CCSER1: variants seen among roughly 807,000 people sequenced by gnomAD.
The protein encoded by CCSER1 is serine-rich coiled-coil domain-containing protein 1.
CCSER1 carries 41 observed loss-of-function variants against 82.0 expected under a neutral mutation model. That is an observed-to-expected ratio of 0.50 (90% CI 0.39 to 0.65). CCSER1 has a LOEUF of 0.65. Ranked by LOEUF, CCSER1 falls within the 30% of genes least tolerant of loss-of-function variation. CCSER1 has a pLI of 0.00. For synonymous variants in CCSER1, 414 were observed against 383.9 expected, an observed-to-expected ratio of 1.08 and a Z score of -0.92; for missense variants, 1,119 against 1,064.2, an observed-to-expected ratio of 1.05 and a Z score of -0.72.
In CCSER1 at chr4:91,008,804, G is replaced by T. The variant is rs1738743209; in HGVS notation, c.2173-77146G>T. Among the ~76,000 whole-genome samples the T allele has an allele frequency of 2.0e-5, 3 of 152,340 alleles. No individual in the cohort carries two copies. In the South Asian group the frequency reaches 6.2e-4, roughly 32 times the overall value. On this transcript the variant is annotated intron_variant, in intron 9 of 10. Coordinates refer to ENST00000509176, the MANE Select transcript of CCSER1 (RefSeq NM_001145065.2). ...CAGGCTGATTCCAAAATGGCAGCAG[G>T]CTGCTTCCAAGATGGTGGCAAGCCT...
chr4:90,444,908 T>C (rs1478009818), intron 4 of CCSER1, among the ~76,000 whole-genome samples: 1 of 152,034 alleles, frequency 6.6e-6, no homozygotes, highest in Non-Finnish European at 1.5e-5. Flanking sequence ...TAATTTACAG[T>C]GAACGCATGA....
At chr4:90,263,295 G>T (rs946805803) in intron 1 of CCSER1, among the ~76,000 whole-genome samples, 3 of 152,168 alleles carry the variant, frequency 2.0e-5, no homozygotes, top group East Asian at 3.9e-4. Flanking sequence ...GCCACCCAGT[G>T]GGGCTGCCAC....
At chr4:90,809,369 A>G (rs533775634) in intron 7 of CCSER1, among the ~76,000 whole-genome samples, 1 of 152,054 alleles carries the variant, frequency 6.6e-6, no homozygotes, top group East Asian at 1.9e-4. Flanking sequence ...ACTGTGGAAT[A>G]CTATTTAGCC....
At chr4:90,768,640 G>T (rs1751621516) in intron 7 of CCSER1, among the ~76,000 whole-genome samples, 1 of 152,168 alleles carries the variant, frequency 6.6e-6, no homozygotes, top group Non-Finnish European at 1.5e-5. Flanking sequence ...TGTAGGTTAG[G>T]ACTTTCAGAA....
intron 9 of CCSER1, among the ~76,000 whole-genome samples, chr4:90,972,129 T>G (rs1485718605): frequency 6.6e-6 from 1 of 151,690 alleles, no homozygotes; most frequent in African/African-American, 2.4e-5. Flanking sequence ...ATGCTGTATG[T>G]CCTATCCAGA....
chr4:90,170,086 G>T (rs1339429471), intron 1 of CCSER1, among the ~76,000 whole-genome samples: 1 of 151,812 alleles, frequency 6.6e-6, no homozygotes, highest in South Asian at 2.1e-4. Context: ...GTTTCCAAAT[G>T]TTCTTAAAGT....
chr4:91,129,721 A>C (rs575243394), intron 10 of CCSER1: 13 of 152,204 alleles, frequency 8.5e-5, no homozygotes, highest in African/African-American at 2.9e-4. Context: ...CAAATTTAGC[A>C]ACACTATTAA....
At chr4:91,207,548 A>G (rs1736449387) in intron 10 of CCSER1, among the ~76,000 whole-genome samples, 1 of 151,886 alleles carries the variant, frequency 6.6e-6, no homozygotes, top group Non-Finnish European at 1.5e-5. Context: ...TGTTCTTGTA[A>G]ATGACATGAT....
At chr4:90,425,934 C>T (rs1007709115) in intron 4 of CCSER1, among the ~76,000 whole-genome samples, 2 of 150,934 alleles carry the variant, frequency 1.3e-5, no homozygotes, top group Non-Finnish European at 2.9e-5. Context: ...AAAAAAAAAA[C>T]GTTAATGAAG....
chr4:91,015,799 G>C (rs890852795), intron 9 of CCSER1, among the ~76,000 whole-genome samples: 4 of 151,918 alleles, frequency 2.6e-5, no homozygotes, highest in Admixed American at 6.6e-5. Context: ...TTCAACTTCA[G>C]TGCCTGAAAA....
intron 10 of CCSER1, among the ~76,000 whole-genome samples, chr4:91,255,646 A>G (rs1195689024): frequency 6.6e-6 from 1 of 152,184 alleles, no homozygotes; most frequent in Non-Finnish European, 1.5e-5. Context: ...TGACAGAAGA[A>G]CATAAATTGT....
rs1414232911 is a variant in CCSER1 at position 90,312,973 on chromosome 4, G to A, written c.1435G>A (p.Asp479Asn). The change falls in exon 3 of 11, where the codon GAT becomes AAT. Residue 479 changes from aspartate (D) to asparagine (N), a missense_variant. By Grantham distance (23) the Asp-to-Asn change is conservative. Coordinates refer to ENST00000509176, the MANE Select transcript of CCSER1 (RefSeq NM_001145065.2). ...GSSRMILKPK[D>N]GNIEEVNSLR... The stretch of plus-strand genomic sequence containing the variant: ...TAGCAGAATGATTTTGAAACCGAAA[G>A]ATGGAAATATAGAAGAAGTTAATAG... 2 of 1,602,468 alleles carry A rather than the reference G, an allele frequency of 1.2e-6. No homozygotes were observed. Among genetic ancestry groups the A allele is most frequent in the East Asian group, 2.2e-5 (1 of 44,578 alleles).
chr4:91,100,089 G>A (rs1724905828), intron 10 of CCSER1, among the ~76,000 whole-genome samples: 1 of 152,038 alleles, frequency 6.6e-6, no homozygotes, highest in South Asian at 2.1e-4. Flanking sequence ...AGGTTGGAAA[G>A]TAAGTCACAA....
chr4:90,586,694 TTAAA>T (rs1439984625), intron 5 of CCSER1, among the ~76,000 whole-genome samples: 1 of 152,204 alleles, frequency 6.6e-6, no homozygotes, highest in African/African-American at 2.4e-5. Context: ...TTAGATTACT[TTAAA>T]TAAAAATCAT....
chr4:91,472,422 A>G (rs1033386113), intron 10 of CCSER1, among the ~76,000 whole-genome samples: 1 of 152,164 alleles, frequency 6.6e-6, no homozygotes, highest in Non-Finnish European at 1.5e-5. Flanking sequence ...TTTTTTTCCC[A>G]TCGTATCAAT....
chr4:90,772,961 C>A (rs1752404038), intron 7 of CCSER1, among the ~76,000 whole-genome samples: 1 of 152,120 alleles, frequency 6.6e-6, no homozygotes, highest in African/African-American at 2.4e-5. Flanking sequence ...AGTGTAGAGG[C>A]CAGGCATGTT....
intron 10 of CCSER1, among the ~76,000 whole-genome samples, chr4:91,407,118 T>C (rs1471555662): frequency 6.6e-6 from 1 of 152,194 alleles, no homozygotes; most frequent in Non-Finnish European, 1.5e-5. Context: ...AAATTTGTTC[T>C]TGCTTTGCTG....
chr4:91,113,237 A>G lies in CCSER1; in HGVS notation c.2217+27243A>G, dbSNP rs186307830. Among the ~76,000 whole-genome samples, 612 of 152,340 alleles carry G rather than the reference A, an allele frequency of 4.0e-3. 4 individuals are homozygous for G. Among genetic ancestry groups the G allele is most frequent in the African/African-American group, 0.014 (583 of 41,574 alleles). ...TGTTTATTAAACATTTGTTGATACAACAAACGCATGACATTGTGTTGGGAG... is the reference window on the plus strand; with the variant it reads ...TGTTTATTAAACATTTGTTGATACAGCAAACGCATGACATTGTGTTGGGAG... On this transcript the variant is annotated intron_variant, in intron 10 of 10. Coordinates refer to ENST00000509176, the MANE Select transcript of CCSER1 (RefSeq NM_001145065.2).
intron 10 of CCSER1, among the ~76,000 whole-genome samples, chr4:91,212,956 A>T (rs1736943329): frequency 6.6e-6 from 1 of 152,004 alleles, no homozygotes; most frequent in Non-Finnish European, 1.5e-5. Context: ...TGTATTCAAT[A>T]TTTAGCTCCC....
Sources: gnomAD v4.1 joint callset for allele counts (sites outside exome capture counted in the v4.1 genomes callset) on GRCh38, gnomAD v4.1.1 for gene constraint, MANE v1.5 for transcripts, NCBI Gene and HGNC (gene_info 2026-07-23, HGNC 2026-07-21) for gene names.